Variants in QRFPR observed in about 807,000 individuals in gnomAD.
The protein encoded by QRFPR is pyroglutamylated RF-amide peptide receptor.
QRFPR carries 37 observed loss-of-function variants against 31.3 expected under a neutral mutation model. The ratio of observed to expected loss-of-function variants is 1.18; its 90% confidence interval spans 0.91 to 1.56. QRFPR has a LOEUF of 1.56. QRFPR is among the 40% of genes most tolerant of loss of function. The pLI, the probability that QRFPR is intolerant of heterozygous loss-of-function variation, is 0.00. For missense variants in QRFPR, 542 were observed against 532.5 expected (o/e 1.02, Z -0.18); for synonymous variants, 197 against 192.0 (o/e 1.03, Z -0.22).
At chr4:121,372,401 A>G (rs748406920) in intron 1 of QRFPR, among the ~76,000 whole-genome samples, 1 of 152,216 alleles carries the variant, frequency 6.6e-6, no homozygotes, top group Non-Finnish European at 1.5e-5. Context: ...TTTTTGTTCT[A>G]GAATTTTTTA....
Position 121,336,279 on chromosome 4 carries a change from C to T in QRFPR, c.561+528G>A, listed in dbSNP as rs564776293. 8.5e-5 allele frequency among the ~76,000 whole-genome samples: 13 copies of T among 152,256 alleles called. No individual in the cohort carries two copies. In the East Asian group the frequency reaches 9.7e-4, roughly 11 times the overall value. On this transcript the variant is annotated intron_variant, in intron 3 of 5. Transcript: ENST00000394427. ...GCACTCTCCTTCCTGTGAAGCCCCA[C>T]ACATGGCTGGGCCTGTCTGACAAAG...
At chr4:121,369,558 C>A in intron 1 of QRFPR, 2 of 1,609,324 alleles carry the variant, frequency 1.2e-6, no homozygotes, top group South Asian at 1.1e-5. Flanking sequence ...GGATCTTCAG[C>A]CATTCGGTTG....
intron 1 of QRFPR, among the ~76,000 whole-genome samples, chr4:121,358,277 C>T (rs1422386033): frequency 6.6e-6 from 1 of 152,136 alleles, no homozygotes; most frequent in Non-Finnish European, 1.5e-5. Flanking sequence ...TGTTAACAAG[C>T]AGCTCTCCAA....
intron 1 of QRFPR, among the ~76,000 whole-genome samples, chr4:121,379,065 C>T (rs1197882337): frequency 6.6e-6 from 1 of 152,212 alleles, no homozygotes; most frequent in African/African-American, 2.4e-5. Flanking sequence ...AATACAATTA[C>T]TGCATCAGAG....
chr4:121,348,045 T>C (rs1324310115), intron 1 of QRFPR, among the ~76,000 whole-genome samples: 2 of 152,140 alleles, frequency 1.3e-5, no homozygotes, highest in Admixed American at 1.3e-4. Context: ...TATTTCTTTT[T>C]TCTAGCTGGA....
intron 1 of QRFPR, among the ~76,000 whole-genome samples, chr4:121,354,736 T>C (rs535251331): frequency 3.3e-5 from 5 of 152,168 alleles, no homozygotes; most frequent in South Asian, 4.1e-4. Context: ...CTATACCCAA[T>C]TGTTTGAGAG....
intron 1 of QRFPR, among the ~76,000 whole-genome samples, chr4:121,373,406 G>A (rs926316364): frequency 5.9e-5 from 9 of 152,162 alleles, no homozygotes; most frequent in Non-Finnish European, 1.3e-4. Context: ...TCAACCAGAG[G>A]CTGTCCACAG....
At chr4:121,355,581 A>G (rs1213280298) in intron 1 of QRFPR, among the ~76,000 whole-genome samples, 1 of 151,706 alleles carries the variant, frequency 6.6e-6, no homozygotes, top group Admixed American at 6.6e-5. Flanking sequence ...GATCTTTATT[A>G]TTCCTACCTT....
chr4:121,333,136 C>T (rs1238232934), intron 3 of QRFPR, 80 bp from the exon 4 acceptor site: 1 of 868,380 alleles, frequency 1.2e-6, no homozygotes, highest in Admixed American at 2.4e-5. Context: ...TATTGCAACA[C>T]AACATTTTTT....
intron 1 of QRFPR, chr4:121,369,446 G>A (rs1268551543): frequency 2.1e-6 from 2 of 932,392 alleles, no homozygotes; most frequent in Admixed American, 4.4e-5. Context: ...GCCAGTGGGT[G>A]TGAGCACATT....
At position 121,380,433 on chromosome 4, in the gene QRFPR, C is replaced by T; in HGVS notation, c.215G>A (p.Arg72His). 1 of 1,614,128 alleles carries T rather than the reference C, an allele frequency of 6.2e-7. No individual in the cohort carries two copies. Among genetic ancestry groups the T allele is most frequent in the Non-Finnish European group, 8.5e-7 (1 of 1,179,996 alleles). The change falls in exon 1 of 6, where the codon CGC becomes CAC. Residue 72 changes from arginine (R) to histidine (H), a missense_variant. Transcript: ENST00000394427. ...GGTGACGGTGCGCATGGCCTTGCTG[C>T]GGGTCACCACGTAGAACACCAGAGC... ...GNALVFYVVT[R>H]SKAMRTVTNI... is the part of the protein sequence containing the mutation.
chr4:121,354,873 T>C (rs542708250), intron 1 of QRFPR, among the ~76,000 whole-genome samples: 15 of 152,244 alleles, frequency 9.9e-5, no homozygotes, highest in African/African-American at 3.6e-4. Flanking sequence ...ACCACACTGA[T>C]TGATTCGCAT....
chr4:121,335,957 G>T (rs184037756), intron 3 of QRFPR, among the ~76,000 whole-genome samples: 78 of 152,052 alleles, frequency 5.1e-4, no homozygotes, highest in Non-Finnish European at 2.4e-4. Flanking sequence ...CTCACCTATG[G>T]AGTCCAGCTC....
intron 1 of QRFPR, among the ~76,000 whole-genome samples, chr4:121,378,986 G>C (rs148048013): frequency 1.3e-5 from 2 of 152,092 alleles, no homozygotes; most frequent in African/African-American, 4.8e-5. Flanking sequence ...ACCAAGTTCC[G>C]TATGATGATC....
At chr4:121,377,308 G>A (rs1044131868) in intron 1 of QRFPR, among the ~76,000 whole-genome samples, 2 of 152,042 alleles carry the variant, frequency 1.3e-5, no homozygotes, top group African/African-American at 4.8e-5. Context: ...TGTCGCCGTT[G>A]CTTCCTGGTG....
chr4:121,354,622 T>C lies in QRFPR; in HGVS notation c.341-14012A>G, dbSNP rs188551983. ...AAAGAGGTGAAAATGAGCATCTTTT[T>C]CTTGTTTCAGATCTTAGAGGAAAGG... On this transcript the variant is annotated intron_variant, in intron 1 of 5. Transcript: ENST00000394427. Among the ~76,000 whole-genome samples the C allele has an allele frequency of 1.7e-4, 26 of 152,224 alleles. No homozygotes were observed. The East Asian group carries it at 4.1e-3, about 24-fold the overall frequency.
At chr4:121,374,748 A>G (rs1415111532) in intron 1 of QRFPR, among the ~76,000 whole-genome samples, 1 of 152,204 alleles carries the variant, frequency 6.6e-6, no homozygotes, top group African/African-American at 2.4e-5. Context: ...CTGCTGAGAA[A>G]ATTAATTTTC....
At chr4:121,370,616 T>A (rs1027361683) in intron 1 of QRFPR, among the ~76,000 whole-genome samples, 1 of 152,096 alleles carries the variant, frequency 6.6e-6, no homozygotes, top group Non-Finnish European at 1.5e-5. Flanking sequence ...ATGGTGAGAG[T>A]GGCAGTGACT....
At chr4:121,355,817 C>G (rs1725858174) in intron 1 of QRFPR, among the ~76,000 whole-genome samples, 2 of 151,968 alleles carry the variant, frequency 1.3e-5, no homozygotes, top group Non-Finnish European at 1.5e-5. Context: ...TTTATTGATG[C>G]ATTGGTCATT....
Sources: allele counts gnomAD v4.1 joint callset (sites outside exome capture counted in the v4.1 genomes callset), GRCh38; gene constraint gnomAD v4.1.1; transcripts MANE v1.5; gene names NCBI Gene and HGNC (gene_info 2026-07-23, HGNC 2026-07-21).